The following SP110 variants were observed in gnomAD, a reference collection of about 807,000 sequenced individuals.
The protein encoded by SP110 is SP110 nuclear body protein.
In SP110, 62 loss-of-function variants were observed where a neutral mutation model predicts 92.7. That is an observed-to-expected ratio of 0.67 (90% CI 0.55 to 0.83). SP110 has a LOEUF of 0.83. Among genes scored for constraint, SP110 ranks in the 40% least tolerant of loss-of-function variants. The probability of loss-of-function intolerance (pLI) is 0.00; values close to 1 mark genes in which losing one functional copy is unlikely to be tolerated. For synonymous variants in SP110, 273 were observed against 305.3 expected (o/e 0.89, Z 1.10); for missense variants, 793 against 863.9 (o/e 0.92, Z 1.03).
chr2:230,200,938 T>C lies in SP110; in HGVS notation c.1076A>G (p.Asn359Ser). 1 of 1,613,932 alleles carries C rather than the reference T, an allele frequency of 6.2e-7. No individual in the cohort carries two copies. Among genetic ancestry groups the C allele is most frequent in the Non-Finnish European group, 8.5e-7 (1 of 1,179,772 alleles). The change falls in exon 10 of 19, where the codon AAT becomes AGT. Residue 359 changes from asparagine to serine, a missense_variant. By Grantham distance (46) the Asn-to-Ser change is conservative. Transcript: ENST00000258381. ...EEIIDGTSEM[N>S]EGKRSQKTPS... ...CGTCTTCTGGGACCTCTTTCCTTCA[T>C]TCATTTCTGAAGTGCCATCAATGAT...
intron 10 of SP110, among the ~76,000 whole-genome samples, chr2:230,192,007 T>C (rs2042654799): frequency 6.6e-6 from 1 of 152,136 alleles, no homozygotes; most frequent in African/African-American, 2.4e-5. Flanking sequence ...GCATAATCCA[T>C]CACATAAACA....
In SP110 at chr2:230,212,967, C is replaced by A; in HGVS notation, c.377G>T (p.Gly126Val). The A allele has an allele frequency of 6.2e-7, 1 of 1,614,040 alleles. No homozygotes were observed. Among genetic ancestry groups the A allele is most frequent in the Non-Finnish European group, 8.5e-7 (1 of 1,179,984 alleles). Reference protein sequence around the residue: ...DTPILLEAPTGLAEGSSLHTP... With the variant: ...DTPILLEAPTVLAEGSSLHTP... ...ATGGAGGGAGCTTCCTTCTGCTAGG[C>A]CAGTTGGGGCTTCAAGTAGGATTGG... The change falls in exon 4 of 19, where the codon GGC becomes GTC. Residue 126 changes from glycine to valine, a missense_variant. Coordinates refer to ENST00000258381, the MANE Select transcript of SP110 (RefSeq NM_080424.4).
upstream of SP110, chr2:230,221,603 C>T: frequency 9.0e-7 from 1 of 1,113,186 alleles, no homozygotes; most frequent in Non-Finnish European, 1.3e-6. Flanking sequence ...GGAGAGGGTG[C>T]ATTGATGCCT....
rs980515577 is a variant in SP110 at position 230,211,797 on chromosome 2, G to A, written c.668-244C>T. ...TTTGGATGGTAGGTATTAGAGGAGT[G>A]GATGCAATATTATTTGGATCGAAGA... On this transcript the variant is annotated intron_variant, in intron 5 of 18. Coordinates refer to ENST00000258381, the MANE Select transcript of SP110 (RefSeq NM_080424.4). This position sits in a 1 kb window ranked among gnomAD's most constrained non-coding sequence, Gnocchi z 4.2. 6.6e-5 allele frequency among the ~76,000 whole-genome samples: 10 copies of A among 152,116 alleles called. No individual in the cohort carries two copies. The highest frequency in any genetic ancestry group is 1.3e-4 in the Non-Finnish European group (9 of 68,022).
chr2:230,211,560 G>A lies in SP110; in HGVS notation c.668-7C>T. 5.7e-6 allele frequency: 9 copies of A among 1,580,854 alleles called. No individual in the cohort carries two copies. The highest frequency in any genetic ancestry group is 7.8e-6 in the Non-Finnish European group (9 of 1,149,666). ...ATCAGGTTGTCACTGGCCACTGAATGGAGGAAGAAAAAGTTTTAGATCTCA... is the reference window on the plus strand; with the variant it reads ...ATCAGGTTGTCACTGGCCACTGAATAGAGGAAGAAAAAGTTTTAGATCTCA... On this transcript the variant is annotated splice_region_variant and splice_polypyrimidine_tract_variant and intron_variant, in intron 5 of 18. Transcript: ENST00000258381. The surrounding 1 kb of genome is among the most constrained non-coding windows in gnomAD (Gnocchi z 4.2).
intron 3 of SP110, 64 bp downstream of exon 3, chr2:230,214,886 G>C: frequency 7.1e-7 from 1 of 1,406,086 alleles, no homozygotes; most frequent in Non-Finnish European, 1.0e-6. Flanking sequence ...AGGGCTAGAA[G>C]TAAACCCAGA....
chr2:230,220,728 G>A (rs2045741256), upstream of SP110, among the ~76,000 whole-genome samples: 1 of 152,152 alleles, frequency 6.6e-6, no homozygotes, highest in South Asian at 2.1e-4. Context: ...TATTGGCCAG[G>A]CACAGTGGCT....
Position 230,178,066 on chromosome 2 carries a change from T to C in SP110, c.1447+91A>G, listed in dbSNP as rs1044639528. ...CTGCAGTCTAGCTAGCAGGGTCCAT[T>C]TCCTGATCAATTACACACACGGGTA... On this transcript the variant is annotated intron_variant, in intron 13 of 18. Transcript: ENST00000258381. The C allele has an allele frequency of 7.4e-6, 6 of 814,990 alleles. No individual in the cohort carries two copies. The South Asian group carries it at 8.6e-5, about 12-fold the overall frequency. 50.5% of individuals were successfully genotyped at this position (814,990 alleles called of 1,614,324 possible).
chr2:230,190,128 C>T (rs774089966), intron 10 of SP110, among the ~76,000 whole-genome samples: 9 of 152,202 alleles, frequency 5.9e-5, no homozygotes, highest in Non-Finnish European at 1.2e-4. Flanking sequence ...GGAATCACCA[C>T]ACTGTCTTCC....
At chr2:230,183,541 A>G in intron 12 of SP110, 31 bp downstream of exon 12, 10 of 1,497,534 alleles carry the variant, frequency 6.7e-6, no homozygotes, top group Non-Finnish European at 9.3e-6. Context: ...TGGGGAGCCC[A>G]GTGGGGAGGC....
intron 10 of SP110, among the ~76,000 whole-genome samples, chr2:230,199,220 TTTTTTTGAGA>T: frequency 2.1e-5 from 3 of 142,126 alleles, no homozygotes; most frequent in African/African-American, 7.8e-5. Context: ...TTTTTTTTTT[TTTTTTTGAGA>T]CAGAGTCTCA....
At position 230,169,161 on chromosome 2, in the gene SP110, T is replaced by G; in HGVS notation, c.2105A>C (p.His702Pro). ...CCAGAAACCGCCGTCATTGGCTTCA[T>G]GAAAACCGAGCACGTCTTTGAGATC... ...EKDLKDVLGF[H>P]EANDGGFWTL... Residue 702 changes from histidine to proline, a missense_variant, in exon 19 of 19, where the codon CAT (histidine) becomes CCT (proline). By Grantham distance (77) the His-to-Pro change is moderately conservative (BLOSUM62 -2). Transcript: ENST00000258381. 1 of 1,613,924 alleles carries G rather than the reference T, an allele frequency of 6.2e-7. No homozygotes were observed. The highest frequency in any genetic ancestry group is 8.5e-7 in the Non-Finnish European group (1 of 1,179,862).
intron 17 of SP110, among the ~76,000 whole-genome samples, chr2:230,171,152 G>A (rs1248385802): frequency 6.6e-6 from 1 of 152,186 alleles, no homozygotes; most frequent in African/African-American, 2.4e-5. Context: ...GAGTGCAGTG[G>A]TGCGATCTTG....
rs2078314708 is a variant in SP110, at chr2:230,166,643, A to T, written c.*2481T>A. On this transcript the variant is annotated 3_prime_UTR_variant, in exon 19 of 19. Coordinates refer to ENST00000258381, the MANE Select transcript of SP110 (RefSeq NM_080424.4). ...TAGAAATCAACTTAGTTTGTTTTTC[A>T]TAGTGATCTGAGTGTTAAAATTCTG... 6.6e-6 allele frequency among the ~76,000 whole-genome samples: 1 copy of T among 152,238 alleles called. No individual in the cohort carries two copies. Among genetic ancestry groups the T allele is most frequent in the Admixed American group, 6.5e-5 (1 of 15,276 alleles).
rs2044640933 is a variant in SP110 at position 230,212,775 on chromosome 2, C to A, written c.569G>T (p.Gly190Val). ...VLPLPALIQE[G>V]RSTSVTNDKL... The stretch of plus-strand genomic sequence containing the variant: ...CTGTTTCTCACCTGAAGTGCTTCTT[C>A]CTTCCTGGATGAGTGCAGGGAGAGG... The change falls in exon 4 of 19, where the codon GGA becomes GTA. Residue 190 changes from glycine to valine, a missense_variant. Coordinates refer to ENST00000258381, the MANE Select transcript of SP110 (RefSeq NM_080424.4). 1.9e-6 allele frequency: 3 copies of A among 1,614,116 alleles called. No individual in the cohort carries two copies. The highest frequency in any genetic ancestry group is 2.5e-6 in the Non-Finnish European group (3 of 1,180,002).
At chr2:230,221,797 A>G (rs1382913442), upstream of SP110, 1 of 1,366,506 alleles carries the variant, frequency 7.3e-7, no homozygotes, top group Non-Finnish European at 1.0e-6. Context: ...ATTCAGAGAT[A>G]CACCAGGCAA....
At chr2:230,186,427 C>T (rs1407600251) in intron 10 of SP110, among the ~76,000 whole-genome samples, 2 of 152,140 alleles carry the variant, frequency 1.3e-5, no homozygotes, top group Non-Finnish European at 2.9e-5. Flanking sequence ...AGATACCTGG[C>T]CCACACCTTA....
At chr2:230,201,917 C>A (rs1406953547) in intron 9 of SP110, among the ~76,000 whole-genome samples, 2 of 152,182 alleles carry the variant, frequency 1.3e-5, no homozygotes, top group East Asian at 3.8e-4. Flanking sequence ...CCACAGATAT[C>A]TCAAAAGACT....
chr2:230,169,949 T>C lies in SP110; in HGVS notation c.2028+672A>G, dbSNP rs111511630. On this transcript the variant is annotated intron_variant, in intron 18 of 18. Transcript: ENST00000258381. ...CATGAATGGGTACCAGTTTACAATC[T>C]GTGGTTTGTGAACATGCCAACTCCT... is the stretch of plus-strand genomic sequence containing the variant. Among the ~76,000 whole-genome samples, 41 of 152,278 alleles carry C rather than the reference T, an allele frequency of 2.7e-4. No homozygotes were observed. In the Middle Eastern group the frequency reaches 0.014, roughly 51 times the overall value.
Sources: allele counts gnomAD v4.1 joint callset (sites outside exome capture counted in the v4.1 genomes callset), GRCh38; gene constraint gnomAD v4.1.1; non-coding constraint Gnocchi (gnomAD v3.1); transcripts MANE v1.5; gene names NCBI Gene and HGNC (gene_info 2026-07-23, HGNC 2026-07-21).